ARFGEF3: variants seen among roughly 807,000 people sequenced by gnomAD.
ARFGEF3 encodes ARFGEF family member 3, also known as brefeldin A-inhibited guanine nucleotide-exchange protein 3.
ARFGEF3 carries 96 observed loss-of-function variants against 221.7 expected under a neutral mutation model. The observed-to-expected ratio is 0.43, with a 90% CI of 0.37 to 0.51. The LOEUF is 0.51. Among genes scored for constraint, ARFGEF3 ranks in the 20% least tolerant of loss-of-function variants. ARFGEF3 has a pLI of 0.00. For synonymous variants in ARFGEF3, 1,145 were observed against 1,126.8 expected, an observed-to-expected ratio of 1.02 and a Z score of -0.32; for missense variants, 2,410 against 2,789.9, an observed-to-expected ratio of 0.86 and a Z score of 3.07.
At chr6:138,183,610 A>C (rs1025750533) in intron 2 of ARFGEF3, among the ~76,000 whole-genome samples, 11 of 152,296 alleles carry the variant, frequency 7.2e-5, no homozygotes, top group African/African-American at 2.6e-4. Context: ...AGAGCCAAAC[A>C]CACAGCATGG....
chr6:138,237,622 T>C (rs949832307), intron 5 of ARFGEF3, among the ~76,000 whole-genome samples: 9 of 152,232 alleles, frequency 5.9e-5, no homozygotes, highest in African/African-American at 1.4e-4. Flanking sequence ...CTTGGTGTTA[T>C]ATTCACTTTG....
chr6:138,229,141 C>CA (rs1187306858), intron 4 of ARFGEF3, among the ~76,000 whole-genome samples: 7 of 152,066 alleles, frequency 4.6e-5, no homozygotes, highest in Non-Finnish European at 1.0e-4. Flanking sequence ...GAGGAAATTG[C>CA]AAGAGGGAAG....
chr6:138,298,851 T>C (rs1249238172), intron 22 of ARFGEF3, 66 bp downstream of exon 22: 8 of 1,243,998 alleles, frequency 6.4e-6, no homozygotes, highest in African/African-American at 5.9e-5. Context: ...GGCACGGTTC[T>C]ATGAGCTTCG....
chr6:138,289,416 T>C (rs753127378), intron 17 of ARFGEF3, among the ~76,000 whole-genome samples: 1 of 152,216 alleles, frequency 6.6e-6, no homozygotes, highest in African/African-American at 2.4e-5. Flanking sequence ...ATTACAATAA[T>C]CTCAGAGAAA....
intron 12 of ARFGEF3, among the ~76,000 whole-genome samples, chr6:138,268,989 T>G (rs1157243455): frequency 6.6e-6 from 1 of 152,212 alleles, no homozygotes; most frequent in African/African-American, 2.4e-5. Flanking sequence ...CTCCCTTTAT[T>G]TCTCATCCCA....
chr6:138,312,690 AT>A (rs1779850944), intron 25 of ARFGEF3, among the ~76,000 whole-genome samples: 1 of 152,056 alleles, frequency 6.6e-6, no homozygotes, highest in African/African-American at 2.4e-5. Flanking sequence ...GGATCTGCCA[AT>A]TCCTGCCAAG....
chr6:138,321,315 C>G, intron 29 of ARFGEF3, 90 bp downstream of exon 29: 1 of 713,524 alleles, frequency 1.4e-6, no homozygotes, highest in Non-Finnish European at 2.3e-6. Flanking sequence ...TAGGAATCGA[C>G]TTTTTGGATT....
In ARFGEF3 at chr6:138,242,991, C is replaced by G; in HGVS notation, c.583C>G (p.Gln195Glu). 1 of 1,611,276 alleles carries G rather than the reference C, an allele frequency of 6.2e-7. No individual in the cohort carries two copies. Among genetic ancestry groups the G allele is most frequent in the East Asian group, 2.2e-5 (1 of 44,868 alleles). Reference sequence around the variant, plus strand: ...AGATGTCCCACAGGATTTCGGGAATCAAGGTATGGCATTTGATTTGTACTA... The same window carrying G: ...AGATGTCCCACAGGATTTCGGGAATGAAGGTATGGCATTTGATTTGTACTA... ...NPDVPQDFGN[Q>E]GSTVESLCDD... Residue 195 changes from glutamine to glutamate, a missense_variant, in exon 7 of 34, where the codon CAA becomes GAA. By Grantham distance (29) the Gln-to-Glu change is conservative (BLOSUM62 2). Coordinates refer to ENST00000251691, the MANE Select transcript of ARFGEF3 (RefSeq NM_020340.5).
At chr6:138,199,536 T>G (rs1777495731) in intron 2 of ARFGEF3, among the ~76,000 whole-genome samples, 1 of 152,238 alleles carries the variant, frequency 6.6e-6, no homozygotes, top group Non-Finnish European at 1.5e-5. Context: ...TTTGTTTGTG[T>G]CGTCTATGAT....
chr6:138,221,459 C>A (rs1446404568), intron 4 of ARFGEF3, among the ~76,000 whole-genome samples: 3 of 152,096 alleles, frequency 2.0e-5, no homozygotes, highest in African/African-American at 7.2e-5. Flanking sequence ...TCTAATATGT[C>A]AATATTTATT....
chr6:138,225,789 A>AT (rs895234551), intron 4 of ARFGEF3, among the ~76,000 whole-genome samples: 69 of 151,630 alleles, frequency 4.6e-4, no homozygotes, highest in South Asian at 1.5e-3. Flanking sequence ...TATTTCTAAT[A>AT]TTTTTTTTTA....
Position 138,280,160 on chromosome 6 carries a change from G to C in ARFGEF3, c.2457G>C (p.Leu819=), listed in dbSNP as rs752940449. ...ACAGCCTTCCCCTCATCACAATGCT[G>C]ACCGGTCAGTGGTTCGTTGCAAGGC... The part of the protein sequence containing the change: ...EDNSLPLITM[L]TDIDGLESSA... The change falls in exon 14 of 34, where the codon CTG becomes CTC. Residue 819 remains leucine, a synonymous_variant. Transcript: ENST00000251691. The C allele has an allele frequency of 1.3e-5, 21 of 1,613,444 alleles. No homozygotes were observed. The highest frequency in any genetic ancestry group is 1.7e-5 in the Non-Finnish European group (20 of 1,179,642).
Position 138,255,546 on chromosome 6 carries a change from C to A in ARFGEF3, c.881C>A (p.Ala294Glu). The part of the protein sequence containing the change: ...STSTSLESDS[A>E]SPGVSDHGRG... ...AGTACCAGCCTGGAGTCGGACTCTG[C>A]GTCTCCGGGAGTGTCTGACCACGGC... The change falls in exon 10 of 34, where the codon GCG (alanine) becomes GAG (glutamate). Residue 294 changes from alanine (A) to glutamate (E), a missense_variant. Physicochemically the swap from Ala to Glu is moderately radical, Grantham distance 107. This residue lies in a region of ARFGEF3 where 570 missense variants were observed against 586.9 expected (regional missense o/e 0.97). Coordinates refer to ENST00000251691, the MANE Select transcript of ARFGEF3 (RefSeq NM_020340.5). 6.2e-7 allele frequency: 1 copy of A among 1,614,046 alleles called. No homozygotes were observed. The highest frequency in any genetic ancestry group is 8.5e-7 in the Non-Finnish European group (1 of 1,179,900).
chr6:138,313,671 A>G (rs2114669566), intron 25 of ARFGEF3, 124 bp from the exon 26 acceptor site: 1 of 788,386 alleles, frequency 1.3e-6, no homozygotes, highest in East Asian at 2.7e-5. Context: ...ACGAATAATC[A>G]AATTTTCAAT....
intron 10 of ARFGEF3, among the ~76,000 whole-genome samples, chr6:138,258,061 A>G (rs1384858627): frequency 1.3e-5 from 2 of 152,116 alleles, no homozygotes; most frequent in East Asian, 3.9e-4. Context: ...CACCACTGTT[A>G]ACAATTTTCC....
In ARFGEF3 at chr6:138,238,600, C is replaced by T. The variant is rs1401778518; in HGVS notation, c.512C>T (p.Thr171Ile). 6.2e-7 allele frequency: 1 copy of T among 1,613,804 alleles called. No homozygotes were observed. Among genetic ancestry groups the T allele is most frequent in the South Asian group, 1.1e-5 (1 of 91,058 alleles). The change falls in exon 6 of 34, where the codon ACT becomes ATT. Residue 171 changes from threonine (T) to isoleucine (I), a missense_variant. By Grantham distance (89) the Thr-to-Ile change is moderately conservative (BLOSUM62 -1). Coordinates refer to ENST00000251691, the MANE Select transcript of ARFGEF3 (RefSeq NM_020340.5). ...CTCAGTCAAATGCTGAGTGACTTGACTTTACAGTTACGACAGAGGCAGGAG... is the reference window on the plus strand; with the variant it reads ...CTCAGTCAAATGCTGAGTGACTTGATTTTACAGTTACGACAGAGGCAGGAG... ...ATLSQMLSDLTLQLRQRQENT... is the reference protein window; with the variant it reads ...ATLSQMLSDLILQLRQRQENT...
chr6:138,171,142 T>C (rs556637129), intron 2 of ARFGEF3, among the ~76,000 whole-genome samples: 9 of 150,784 alleles, frequency 6.0e-5, no homozygotes, highest in African/African-American at 1.5e-4. Flanking sequence ...CACTTACTTT[T>C]GGTGGGGACA....
At chr6:138,186,670 G>C (rs1415034421) in intron 2 of ARFGEF3, among the ~76,000 whole-genome samples, 2 of 152,194 alleles carry the variant, frequency 1.3e-5, no homozygotes, top group African/African-American at 4.8e-5. Flanking sequence ...GGAGAAGGCT[G>C]CTCACACTGT....
chr6:138,296,349 C>T (rs990147107), intron 20 of ARFGEF3, among the ~76,000 whole-genome samples: 45 of 152,108 alleles, frequency 3.0e-4, no homozygotes, highest in African/African-American at 1.0e-3. Context: ...ATGTGCTGGG[C>T]CCATGCTGAG....
Sources: gnomAD v4.1 joint callset for allele counts (sites outside exome capture counted in the v4.1 genomes callset) on GRCh38, gnomAD v4.1.1 for gene constraint, gnomAD v4.1.1 regional missense constraint, MANE v1.5 for transcripts, NCBI Gene and HGNC (gene_info 2026-07-23, HGNC 2026-07-21) for gene names.